The following RORB variants were observed in gnomAD, a reference collection of about 807,000 sequenced individuals.
RORB encodes the protein nuclear receptor ROR-beta.
In RORB, 6 loss-of-function variants were observed where a neutral mutation model predicts 59.1. That is an observed-to-expected ratio of 0.10 (90% confidence interval 0.06 to 0.20). The LOEUF is 0.20. Ranked by LOEUF, RORB falls within the 10% of genes least tolerant of loss-of-function variation. The pLI is 1.00. For synonymous variants in RORB, 215 were observed against 204.5 expected (o/e 1.05, Z -0.44); for missense variants, 320 against 560.5 (o/e 0.57, Z 4.33).
Position 74,616,825 on chromosome 9 carries a change from T to A in RORB, c.8-13457T>A, listed in dbSNP as rs190772833. 5.0e-3 allele frequency among the ~76,000 whole-genome samples: 760 copies of A among 152,186 alleles called. 3 individuals are homozygous for A. The highest frequency in any genetic ancestry group is 7.1e-3 in the Non-Finnish European group (483 of 67,960). On this transcript the variant is annotated intron_variant, in intron 1 of 9. Transcript: ENST00000376896. ...CATAGTGGCCGATTTTAGGGGTTTA[T>A]GTGCACATACACACACACACACAGA...
rs571956851 is a variant in RORB, at chr9:74,631,745, G to A, written c.93+1378G>A. The stretch of plus-strand genomic sequence containing the variant: ...GTGATAATCTATTTGTGAATATCGT[G>A]AGATGTTCTTCACATTCTGTTCCTC... On this transcript the variant is annotated intron_variant, in intron 2 of 9. Transcript: ENST00000376896. 2.0e-5 allele frequency among the ~76,000 whole-genome samples: 3 copies of A among 152,294 alleles called. No homozygotes were observed. The East Asian group carries it at 5.8e-4, about 29-fold the overall frequency.
At chr9:74,647,197 G>A (rs1320079735) in intron 4 of RORB, among the ~76,000 whole-genome samples, 1 of 152,184 alleles carries the variant, frequency 6.6e-6, no homozygotes, top group African/African-American at 2.4e-5. Flanking sequence ...ACATTTTGCA[G>A]TGGTTGGTGG....
At chr9:74,541,461 G>A (rs1826406904) in intron 1 of RORB, among the ~76,000 whole-genome samples, 1 of 151,946 alleles carries the variant, frequency 6.6e-6, no homozygotes. Context: ...AGAGTGATGT[G>A]CATAGTACAA....
chr9:74,665,083 G>A (rs773280641), intron 6 of RORB, among the ~76,000 whole-genome samples: 7 of 152,016 alleles, frequency 4.6e-5, no homozygotes, highest in Non-Finnish European at 4.4e-5. Context: ...TGTGAATTCA[G>A]GAATCAAAAC....
chr9:74,603,858 G>A (rs755128720), intron 1 of RORB, among the ~76,000 whole-genome samples: 4 of 152,172 alleles, frequency 2.6e-5, no homozygotes, highest in Admixed American at 1.3e-4. Context: ...GTGATAATGG[G>A]TGGGCTAAGC....
At chr9:74,536,444 G>C (rs575359652) in intron 1 of RORB, among the ~76,000 whole-genome samples, 2 of 151,986 alleles carry the variant, frequency 1.3e-5, no homozygotes, top group Non-Finnish European at 2.9e-5. Context: ...CTAGTTCTTC[G>C]AGTTCATGTA....
chr9:74,659,791 C>T (rs1824150779), intron 4 of RORB, among the ~76,000 whole-genome samples: 1 of 152,110 alleles, frequency 6.6e-6, no homozygotes, highest in African/African-American at 2.4e-5. Flanking sequence ...TGTCTCCAAA[C>T]CCAAAATGAT....
chr9:74,631,824 C>A (rs1208676231), intron 2 of RORB, among the ~76,000 whole-genome samples: 1 of 152,100 alleles, frequency 6.6e-6, no homozygotes, highest in Non-Finnish European at 1.5e-5. Flanking sequence ...AATTTTTCAA[C>A]TCATCAAGAA....
At chr9:74,528,294 A>C (rs779402241) in intron 1 of RORB, among the ~76,000 whole-genome samples, 66 of 152,174 alleles carry the variant, frequency 4.3e-4, no homozygotes, top group Admixed American at 8.5e-4. Flanking sequence ...AACTGTGAAA[A>C]TACTACTCTC....
At chr9:74,676,265 A>G (rs1388235522) in intron 9 of RORB, among the ~76,000 whole-genome samples, 2 of 152,154 alleles carry the variant, frequency 1.3e-5, no homozygotes, top group Non-Finnish European at 2.9e-5. Context: ...ATATTGTTAG[A>G]TAGCATATTT....
chr9:74,522,331 T>A (rs988062379), intron 1 of RORB, among the ~76,000 whole-genome samples: 19 of 151,760 alleles, frequency 1.3e-4, no homozygotes, highest in African/African-American at 4.6e-4. Context: ...ATAATAGAGA[T>A]CAAGCATTTT....
intron 1 of RORB, among the ~76,000 whole-genome samples, chr9:74,609,630 A>G (rs1823204263): frequency 6.6e-6 from 1 of 152,170 alleles, no homozygotes; most frequent in South Asian, 2.1e-4. Context: ...CTTCATATGC[A>G]TTTTCTCTTT....
At chr9:74,669,616 G>C (rs1477492336) in intron 8 of RORB, among the ~76,000 whole-genome samples, 2 of 151,976 alleles carry the variant, frequency 1.3e-5, no homozygotes, top group Non-Finnish European at 2.9e-5. Context: ...TTCCTCAGCT[G>C]TTGTTTGGTT....
chr9:74,634,862 G>A lies in RORB; in HGVS notation c.235+90G>A, dbSNP rs2118433976. 5.8e-6 allele frequency: 7 copies of A among 1,215,022 alleles called. No individual in the cohort carries two copies. In the East Asian group the frequency reaches 7.6e-5, roughly 13 times the overall value. The allele number at this position is 1,215,022 out of a possible 1,614,324, so 75.3% of individuals were successfully genotyped here. A position where few individuals can be genotyped will look rare whatever the true frequency, so the allele number is the denominator to read the frequency against. ...TTAAGCTGCTGGAAGAATTCTAGATGAGGGAATTGGGGATAAGAAGAAAAG... is the reference window on the plus strand; with the variant it reads ...TTAAGCTGCTGGAAGAATTCTAGATAAGGGAATTGGGGATAAGAAGAAAAG... On this transcript the variant is annotated intron_variant, in intron 3 of 9. Transcript: ENST00000376896.
intron 5 of RORB, 126 bp from the exon 6 acceptor site, chr9:74,662,348 G>A: frequency 1.1e-6 from 1 of 892,402 alleles, no homozygotes; most frequent in Non-Finnish European, 1.7e-6. Context: ...TTTTTTAAAG[G>A]AATCATATAA....
intron 1 of RORB, among the ~76,000 whole-genome samples, chr9:74,540,188 T>G (rs758501225): frequency 6.6e-6 from 1 of 152,194 alleles, no homozygotes; most frequent in Non-Finnish European, 1.5e-5. Flanking sequence ...TCTGCACAGT[T>G]TGAATACAAA....
At chr9:74,558,463 C>T (rs1822341996) in intron 1 of RORB, among the ~76,000 whole-genome samples, 1 of 152,162 alleles carries the variant, frequency 6.6e-6, no homozygotes, top group African/African-American at 2.4e-5. Flanking sequence ...TAAACAGACA[C>T]ATATGTTGAC....
At chr9:74,499,526 G>T (rs1825776407) in intron 1 of RORB, among the ~76,000 whole-genome samples, 1 of 152,166 alleles carries the variant, frequency 6.6e-6, no homozygotes, top group African/African-American at 2.4e-5. Flanking sequence ...ACGTCCTGAT[G>T]GGATGGTCTT....
At chr9:74,651,153 G>C (rs1181852452) in intron 4 of RORB, among the ~76,000 whole-genome samples, 1 of 152,216 alleles carries the variant, frequency 6.6e-6, no homozygotes, top group East Asian at 1.9e-4. Context: ...TCCTATCTAA[G>C]ACTCTTCAAG....
Sources: allele counts gnomAD v4.1 joint callset (sites outside exome capture counted in the v4.1 genomes callset), GRCh38; gene constraint gnomAD v4.1.1; transcripts MANE v1.5; gene names NCBI Gene and HGNC (gene_info 2026-07-23, HGNC 2026-07-21).